TENM3: variants seen among roughly 807,000 people sequenced by gnomAD.
TENM3 encodes teneurin transmembrane protein 3.
TENM3 carries 63 observed loss-of-function variants against 255.1 expected under a neutral mutation model. That is an observed-to-expected ratio of 0.25 (90% CI 0.20 to 0.30). The LOEUF is 0.30. Among genes scored for constraint, TENM3 ranks in the 10% least tolerant of loss-of-function variants. TENM3 has a pLI of 1.00. For synonymous variants in TENM3, 1,306 were observed against 1,322.3 expected, an observed-to-expected ratio of 0.99 and a Z score of 0.27; for missense variants, 2,929 against 3,461.1, an observed-to-expected ratio of 0.85 and a Z score of 3.86.
chr4:182,764,249 G>A (rs17074036), intron 22 of TENM3, among the ~76,000 whole-genome samples: 9,627 of 152,290 alleles, frequency 0.063, 338 homozygotes, highest in Middle Eastern at 0.14. Flanking sequence ...TGTTTAGCCC[G>A]TAATTTCCTG....
At chr4:182,133,310 A>T in the TENM3 span, among the ~76,000 whole-genome samples, 1 of 152,224 alleles carries the variant, frequency 6.6e-6, no homozygotes. Flanking sequence ...AGCAATGCTT[A>T]TGAAAACCAT....
At position 182,799,143 on chromosome 4, in the gene TENM3, C is replaced by T. The variant is rs1398331925; in HGVS notation, c.7345-453C>T. Among the ~76,000 whole-genome samples, 2 of 152,150 alleles carry T rather than the reference C, an allele frequency of 1.3e-5. No individual in the cohort carries two copies. Among genetic ancestry groups the T allele is most frequent in the African/African-American group, 2.4e-5 (1 of 41,440 alleles). On this transcript the variant is annotated intron_variant, in intron 27 of 27. Coordinates refer to ENST00000511685, the MANE Select transcript of TENM3 (RefSeq NM_001080477.4). This position sits in a 1 kb window ranked among gnomAD's most constrained non-coding sequence, Gnocchi z 4.2. ...TTAAATACAAGCATTTCAAAGCATACGAAGCGGGGCCCTGTGATCGGCACT... is the reference window on the plus strand; with the variant it reads ...TTAAATACAAGCATTTCAAAGCATATGAAGCGGGGCCCTGTGATCGGCACT...
At chr4:181,626,829 T>C in the TENM3 span, among the ~76,000 whole-genome samples, 1 of 152,192 alleles carries the variant, frequency 6.6e-6, no homozygotes, top group Non-Finnish European at 1.5e-5. Context: ...GAAAGTGACA[T>C]AATCAGAGAT....
chr4:181,774,026 T>TTA, the TENM3 span, among the ~76,000 whole-genome samples: 1 of 136,078 alleles, frequency 7.3e-6, no homozygotes, highest in Non-Finnish European at 1.5e-5. Context: ...TTTTTTTTTT[T>TTA]TTATTATACT....
rs374420394 is a variant in TENM3 at position 182,753,538 on chromosome 4, T to C, written c.3951T>C (p.Leu1317=). The C allele has an allele frequency of 3.5e-5, 56 of 1,613,852 alleles. No homozygotes were observed. The highest frequency in any genetic ancestry group is 2.5e-6 in the Non-Finnish European group (3 of 1,179,852). Residue 1317 remains leucine (L), a synonymous_variant, in exon 21 of 28, where the codon CTT becomes CTC. Transcript: ENST00000511685. ...ACCAAAATGGAATCATATCAACTCTTCTGGGCTCTAACGATTTGACTTCAG... is the reference window on the plus strand; with the variant it reads ...ACCAAAATGGAATCATATCAACTCTCCTGGGCTCTAACGATTTGACTTCAG... ...KVDQNGIIST[L]LGSNDLTSAR...
the TENM3 span, among the ~76,000 whole-genome samples, chr4:181,790,181 G>A: frequency 6.6e-6 from 1 of 152,136 alleles, no homozygotes; most frequent in Non-Finnish European, 1.5e-5. Context: ...CCTGCTGGTG[G>A]CCCCCGGAGG....
chr4:181,493,718 T>A, the TENM3 span, among the ~76,000 whole-genome samples: 1 of 152,140 alleles, frequency 6.6e-6, no homozygotes, highest in Admixed American at 6.6e-5. Flanking sequence ...CACTCCAGCC[T>A]GGGCAACAGG....
At chr4:182,017,032 T>C in the TENM3 span, among the ~76,000 whole-genome samples, 1 of 152,234 alleles carries the variant, frequency 6.6e-6, no homozygotes, top group Non-Finnish European at 1.5e-5. Context: ...TGCCTTACAA[T>C]GGACACATAT....
chr4:181,969,168 G>A, the TENM3 span, among the ~76,000 whole-genome samples: 16 of 152,220 alleles, frequency 1.1e-4, no homozygotes, highest in South Asian at 2.1e-4. Flanking sequence ...CCAATTAGGC[G>A]TATTGTTCCA....
the TENM3 span, among the ~76,000 whole-genome samples, chr4:181,888,502 ATATATATATATATG>A: frequency 4.1e-5 from 1 of 24,382 alleles, no homozygotes; most frequent in East Asian, 1.1e-3. Context: ...GTGTATATAT[ATATATATATATATG>A]TATATATATA....
At chr4:182,159,431 A>G (rs1016977255) in intron 1 of TENM3, among the ~76,000 whole-genome samples, 2 of 146,050 alleles carry the variant, frequency 1.4e-5, no homozygotes, top group African/African-American at 5.2e-5. Context: ...GCAGTGAGCA[A>G]TGGATAGTGT....
At chr4:181,675,878 T>C in the TENM3 span, among the ~76,000 whole-genome samples, 6 of 152,056 alleles carry the variant, frequency 3.9e-5, no homozygotes, top group African/African-American at 1.2e-4. Context: ...TTGGGTTAAA[T>C]TGGAAGGTCT....
the TENM3 span, among the ~76,000 whole-genome samples, chr4:181,607,030 A>T: frequency 6.6e-5 from 10 of 152,324 alleles, no homozygotes; most frequent in East Asian, 1.5e-3. Flanking sequence ...AAGCTTGTTC[A>T]CTTATACAAA....
chr4:181,607,562 C>T, the TENM3 span, among the ~76,000 whole-genome samples: 1 of 151,862 alleles, frequency 6.6e-6, no homozygotes. Context: ...TTACCATGCC[C>T]AGCTAATATT....
the TENM3 span, among the ~76,000 whole-genome samples, chr4:181,766,598 T>TGTGTA: frequency 6.6e-6 from 1 of 151,930 alleles, no homozygotes; most frequent in South Asian, 2.1e-4. Flanking sequence ...AATGGAAATA[T>TGTGTA]GTGTAGTGTA....
chr4:182,273,020 G>A lies in TENM3; in HGVS notation c.-76+29544G>A, dbSNP rs541335186. 9.2e-5 allele frequency among the ~76,000 whole-genome samples: 14 copies of A among 152,326 alleles called. No individual in the cohort carries two copies. In the South Asian group the frequency reaches 2.9e-3, roughly 32 times the overall value. Reference sequence around the variant, plus strand: ...ACAGTTGATTGTGAGTTAGTCTTGAGGGTTGAGGAGAGGAGCGTAACCAGG... The same window carrying A: ...ACAGTTGATTGTGAGTTAGTCTTGAAGGTTGAGGAGAGGAGCGTAACCAGG... On this transcript the variant is annotated intron_variant, in intron 1 of 27. Transcript: ENST00000511685.
intron 1 of TENM3, among the ~76,000 whole-genome samples, chr4:182,228,359 T>TGA (rs1491214012): frequency 1.1e-4 from 1 of 9,318 alleles, no homozygotes; most frequent in East Asian, 9.4e-3. Flanking sequence ...TGTAATGTAA[T>TGA]GTGTGTGTGT....
chr4:181,943,057 G>A, the TENM3 span, among the ~76,000 whole-genome samples: 5 of 152,140 alleles, frequency 3.3e-5, no homozygotes, highest in Non-Finnish European at 5.9e-5. Flanking sequence ...TATTTTGGGA[G>A]TAAAACACCT....
At chr4:182,357,462 T>C (rs570027922) in intron 3 of TENM3, among the ~76,000 whole-genome samples, 2 of 152,246 alleles carry the variant, frequency 1.3e-5, no homozygotes, top group South Asian at 2.1e-4. Context: ...ATTTCTCTGA[T>C]GGCCAGTGAT....
Sources: allele counts gnomAD v4.1 joint callset (sites outside exome capture counted in the v4.1 genomes callset), GRCh38; gene constraint gnomAD v4.1.1; non-coding constraint Gnocchi (gnomAD v3.1); transcripts MANE v1.5; gene names NCBI Gene and HGNC (gene_info 2026-07-23, HGNC 2026-07-21).